The following CDKN1B variants were observed in gnomAD, a reference collection of about 807,000 sequenced individuals.
The protein encoded by CDKN1B is cyclin-dependent kinase inhibitor 1B.
A neutral mutation model predicts 17.1 loss-of-function variants in CDKN1B; 7 were observed. The ratio of observed to expected loss-of-function variants is 0.41; its 90% confidence interval spans 0.23 to 0.77. The LOEUF (loss-of-function observed/expected upper bound fraction) is 0.77, where lower values mean the gene tolerates loss of function less well. Ranked by LOEUF, CDKN1B falls within the 30% of genes least tolerant of loss-of-function variation. CDKN1B has a pLI of 0.33. For missense variants in CDKN1B, 337 were observed against 262.0 expected (o/e 1.29, Z -1.98); for synonymous variants, 149 against 104.3 (o/e 1.43, Z -2.61).
chr12:12,718,728 G>A (rs967682945), intron 1 of CDKN1B, 97 bp from the exon 2 acceptor site: 5 of 1,397,176 alleles, frequency 3.6e-6, no homozygotes, highest in Non-Finnish European at 5.1e-6. Context: ...GGAGGTAGTG[G>A]GTTTTTCATC....
chr12:12,718,374 T>C (rs1228236930), intron 1 of CDKN1B, 60 bp downstream of exon 1: 14 of 1,451,912 alleles, frequency 9.6e-6, no homozygotes, highest in Non-Finnish European at 1.3e-5. Flanking sequence ...TGCTGGAGGG[T>C]GTTAACCTTA....
Position 12,717,647 on chromosome 12 carries a change from G to T in CDKN1B, c.-193G>T. 1 of 1,476,222 alleles carries T rather than the reference G, an allele frequency of 6.8e-7. No individual in the cohort carries two copies. The highest frequency in any genetic ancestry group is 8.9e-7 in the Non-Finnish European group (1 of 1,121,528). 91.4% of individuals were successfully genotyped at this position (1,476,222 alleles called of 1,614,324 possible). On this transcript the variant is annotated 5_prime_UTR_variant, in exon 1 of 3. Transcript: ENST00000228872. ...TTGATCAGCGGAGACTCGGCGGCCG[G>T]GCCGGGGCTTCCCCGCAGCCCCTGC...
In CDKN1B at chr12:12,717,636, C is replaced by G. The variant is rs1565419111; in HGVS notation, c.-204C>G. 1 of 1,465,600 alleles carries G rather than the reference C, an allele frequency of 6.8e-7. No individual in the cohort carries two copies. The highest frequency in any genetic ancestry group is 9.0e-7 in the Non-Finnish European group (1 of 1,116,930). 90.8% of individuals were successfully genotyped at this position (1,465,600 alleles called of 1,614,324 possible). ...CGCCAGTCCATTTGATCAGCGGAGA[C>G]TCGGCGGCCGGGCCGGGGCTTCCCC... is the stretch of plus-strand genomic sequence containing the variant. On this transcript the variant is annotated 5_prime_UTR_variant, in exon 1 of 3. Transcript: ENST00000228872.
At position 12,717,869 on chromosome 12, in the gene CDKN1B, C is replaced by T. The variant is rs990433180; in HGVS notation, c.30C>T (p.Ser10=). The change falls in exon 1 of 3, where the codon AGC becomes AGT. Residue 10 remains serine, a synonymous_variant. Transcript: ENST00000228872. MSNVRVSNG[S]PSLERMDARQ... ...CAAACGTGCGAGTGTCTAACGGGAG[C>T]CCTAGCCTGGAGCGGATGGACGCCA... The T allele has an allele frequency of 4.3e-6, 7 of 1,613,736 alleles. No homozygotes were observed. The highest frequency in any genetic ancestry group is 5.9e-6 in the Non-Finnish European group (7 of 1,180,026).
rs1417873398 is a variant in CDKN1B, at chr12:12,717,591, C to T, written c.-249C>T. ...ACCCTCTCCGCTTGCCTGGTCCCCT[C>T]TCCTCTCCGCCCTCCCGCTCGCCAG... is the stretch of plus-strand genomic sequence containing the variant. On this transcript the variant is annotated 5_prime_UTR_variant, in exon 1 of 3. Transcript: ENST00000228872. The T allele has an allele frequency of 4.6e-5, 66 of 1,432,174 alleles. No individual in the cohort carries two copies. Among genetic ancestry groups the T allele is most frequent in the Non-Finnish European group, 5.7e-5 (63 of 1,099,218 alleles). 88.7% of individuals were successfully genotyped at this position (1,432,174 alleles called of 1,614,324 possible).
Position 12,717,574 on chromosome 12 carries a change from C to T in CDKN1B, c.-266C>T. 13 of 1,419,386 alleles carry T rather than the reference C, an allele frequency of 9.2e-6. No individual in the cohort carries two copies. The South Asian group carries it at 1.8e-4, about 20-fold the overall frequency. 87.9% of individuals were successfully genotyped at this position (1,419,386 alleles called of 1,614,324 possible). A position where few individuals can be genotyped will look rare whatever the true frequency, so the allele number is the denominator to read the frequency against. Reference sequence around the variant, plus strand: ...CTCGGACGGGCTTTGCCACCCTCTCCGCTTGCCTGGTCCCCTCTCCTCTCC... The same window carrying T: ...CTCGGACGGGCTTTGCCACCCTCTCTGCTTGCCTGGTCCCCTCTCCTCTCC... On this transcript the variant is annotated 5_prime_UTR_variant, in exon 1 of 3. Transcript: ENST00000228872.
chr12:12,718,766 G>A (rs993010354), intron 1 of CDKN1B, 59 bp from the exon 2 acceptor site: 1 of 1,605,378 alleles, frequency 6.2e-7, no homozygotes, highest in Non-Finnish European at 8.5e-7. Context: ...ACTTCTGCCA[G>A]CCATTGTTTT....
chr12:12,718,309 C>T lies in CDKN1B; in HGVS notation c.470C>T (p.Thr157Ile), dbSNP rs1217425525. The part of the protein sequence containing the change: ...QCAGIRKRPA[T>I]DDSSTQNKRA... ...GCAGGAATAAGGAAGCGACCTGCAA[C>T]CGACGGTAATGACCCTTTCCCAACC... Residue 157 changes from threonine (T) to isoleucine (I), a missense_variant, in exon 1 of 3, where the codon ACC becomes ATC. By Grantham distance (89) the Thr-to-Ile change is moderately conservative. Coordinates refer to ENST00000228872, the MANE Select transcript of CDKN1B (RefSeq NM_004064.5). 6.2e-7 allele frequency: 1 copy of T among 1,601,516 alleles called. No individual in the cohort carries two copies. The highest frequency in any genetic ancestry group is 1.3e-5 in the African/African-American group (1 of 75,064).
chr12:12,718,727 G>A lies in CDKN1B; in HGVS notation c.476-98G>A. The A allele has an allele frequency of 3.6e-6, 5 of 1,373,274 alleles. No individual in the cohort carries two copies. In the East Asian group the frequency reaches 9.1e-5, roughly 25 times the overall value. The allele number at this position is 1,373,274 out of a possible 1,614,324, so 85.1% of individuals were successfully genotyped here. A position where few individuals can be genotyped will look rare whatever the true frequency, so the allele number is the denominator to read the frequency against. The stretch of plus-strand genomic sequence containing the variant: ...ATCCAGGATTGTGGGTGGAGGTAGT[G>A]GGTTTTTCATCCCCTGACTATGGGG... On this transcript the variant is annotated intron_variant, in intron 1 of 2. Coordinates refer to ENST00000228872, the MANE Select transcript of CDKN1B (RefSeq NM_004064.5).
At chr12:12,719,127 A>G in intron 2 of CDKN1B, 173 bp downstream of exon 2, 1 of 719,430 alleles carries the variant, frequency 1.4e-6, no homozygotes, top group South Asian at 1.7e-5. Context: ...AATTCCTCAG[A>G]GTTTCTATGC....
In CDKN1B at chr12:12,717,588, C is replaced by G. The variant is rs1311631523; in HGVS notation, c.-252C>G. ...GCCACCCTCTCCGCTTGCCTGGTCC[C>G]CTCTCCTCTCCGCCCTCCCGCTCGC... On this transcript the variant is annotated 5_prime_UTR_variant, in exon 1 of 3. Transcript: ENST00000228872. 4 of 1,430,634 alleles carry G rather than the reference C, an allele frequency of 2.8e-6. No individual in the cohort carries two copies. The highest frequency in any genetic ancestry group is 3.6e-6 in the Non-Finnish European group (4 of 1,098,186). 88.6% of individuals were successfully genotyped at this position (1,430,634 alleles called of 1,614,324 possible).
At chr12:12,720,924 T>TC in intron 2 of CDKN1B, 112 bp from the exon 3 acceptor site, 1 of 550,104 alleles carries the variant, frequency 1.8e-6, no homozygotes, top group South Asian at 2.7e-5. Flanking sequence ...CAAACTTTTT[T>TC]CCCCATCAAG....
chr12:12,718,339 A>G (rs751397330), intron 1 of CDKN1B, 25 bp downstream of exon 1: 33 of 1,590,782 alleles, frequency 2.1e-5, no homozygotes, highest in Middle Eastern at 1.6e-4. Flanking sequence ...CCAACCATAG[A>G]ATGTGTTTGG....
chr12:12,719,927 C>T (rs528500598), intron 2 of CDKN1B, among the ~76,000 whole-genome samples: 1 of 152,310 alleles, frequency 6.6e-6, no homozygotes, highest in East Asian at 1.9e-4. Flanking sequence ...ACTGTGACCT[C>T]TTTATTTTCT....
At position 12,721,043 on chromosome 12, in the gene CDKN1B, AAT is replaced by A. The variant is rs763898281; in HGVS notation, c.*19_*20del. 7 of 717,802 alleles carry A rather than the reference AAT, an allele frequency of 9.8e-6. No individual in the cohort carries two copies. The highest frequency in any genetic ancestry group is 5.0e-5 in the East Asian group (2 of 40,114). The allele number at this position is 717,802 out of a possible 1,614,324, so 44.5% of individuals were successfully genotyped here. A position where few individuals can be genotyped will look rare whatever the true frequency, so the allele number is the denominator to read the frequency against. On this transcript the variant is annotated 3_prime_UTR_variant, in exon 3 of 3. Coordinates refer to ENST00000228872, the MANE Select transcript of CDKN1B (RefSeq NM_004064.5). ...TTTTGTTTTCTTTTGCAGAATTAAGAATATGTTTCCTTGTTTATCAGATACAT... is the reference window on the plus strand; with the variant it reads ...TTTTGTTTTCTTTTGCAGAATTAAGAATGTTTCCTTGTTTATCAGATACAT...
Position 12,717,856 on chromosome 12 carries a change from T to G in CDKN1B, c.17T>G (p.Val6Gly). 3 of 1,613,156 alleles carry G rather than the reference T, an allele frequency of 1.9e-6. No individual in the cohort carries two copies. The highest frequency in any genetic ancestry group is 2.5e-6 in the Non-Finnish European group (3 of 1,179,978). Reference protein sequence around the residue: MSNVRVSNGSPSLERM... With the variant: MSNVRGSNGSPSLERM... ...GGGAGAAAGATGTCAAACGTGCGAG[T>G]GTCTAACGGGAGCCCTAGCCTGGAG... Residue 6 changes from valine to glycine, a missense_variant, in exon 1 of 3, where the codon GTG (valine) becomes GGG (glycine). Physicochemically the swap from Val to Gly is moderately radical, Grantham distance 109. Transcript: ENST00000228872.
Position 12,717,817 on chromosome 12 carries a change from G to A in CDKN1B, c.-23G>A, listed in dbSNP as rs779324944. The A allele has an allele frequency of 6.2e-7, 1 of 1,610,930 alleles. No homozygotes were observed. The highest frequency in any genetic ancestry group is 8.5e-7 in the Non-Finnish European group (1 of 1,179,880). ...GTTTTTTTGAGAGTGCGAGAGAGGC[G>A]GTCGTGCAGACCCGGGAGAAAGATG... On this transcript the variant is annotated 5_prime_UTR_variant, in exon 1 of 3. Transcript: ENST00000228872.
chr12:12,720,935 T>G (rs1296209266), intron 2 of CDKN1B, 101 bp from the exon 3 acceptor site: 1 of 552,872 alleles, frequency 1.8e-6, no homozygotes, highest in Non-Finnish European at 3.2e-6. Context: ...CCCCATCAAG[T>G]ATTTCCAAGC....
chr12:12,720,121 C>T (rs941672102), intron 2 of CDKN1B, among the ~76,000 whole-genome samples: 3 of 152,156 alleles, frequency 2.0e-5, no homozygotes, highest in African/African-American at 7.2e-5. Flanking sequence ...ACTATAGAAC[C>T]TCCATTTTAC....
Sources: gnomAD v4.1 joint callset for allele counts (sites outside exome capture counted in the v4.1 genomes callset) on GRCh38, gnomAD v4.1.1 for gene constraint, MANE v1.5 for transcripts, NCBI Gene and HGNC (gene_info 2026-07-23, HGNC 2026-07-21) for gene names.